The following ACYP2 variants were observed in gnomAD, a reference collection of about 807,000 sequenced individuals.
ACYP2 encodes the protein acylphosphatase-2.
In ACYP2, 12 loss-of-function variants were observed where a neutral mutation model predicts 11.2. The observed-to-expected ratio is 1.08, with a 90% CI of 0.69 to 1.74. ACYP2 has a LOEUF of 1.74. Among genes scored for constraint, ACYP2 ranks in the 40% most tolerant of loss-of-function variants. The probability of loss-of-function intolerance (pLI) is 0.00; values close to 1 mark genes in which losing one functional copy is unlikely to be tolerated. For missense variants in ACYP2, 134 were observed against 101.9 expected, an observed-to-expected ratio of 1.31 and a Z score of -1.35; for synonymous variants, 43 against 32.2, an observed-to-expected ratio of 1.33 and a Z score of -1.13.
intron 6 of ACYP2, among the ~76,000 whole-genome samples, chr2:54,283,374 A>G (rs1688928700): frequency 6.6e-6 from 1 of 152,208 alleles, no homozygotes; most frequent in Admixed American, 6.5e-5. Flanking sequence ...AGATGGGTAG[A>G]CGTGAGCCCC....
intron 2 of ACYP2, among the ~76,000 whole-genome samples, chr2:54,047,814 C>T (rs1036052911): frequency 1.3e-5 from 2 of 152,144 alleles, no homozygotes; most frequent in Admixed American, 1.3e-4. Context: ...ATATCATGAA[C>T]ATTCTACTTA....
intron 6 of ACYP2, among the ~76,000 whole-genome samples, chr2:54,201,156 A>G (rs868669671): frequency 2.7e-5 from 4 of 147,438 alleles, no homozygotes; most frequent in South Asian, 2.1e-4. Flanking sequence ...CCCAGGCTGG[A>G]GTGCAGAGGC....
intron 4 of ACYP2, among the ~76,000 whole-genome samples, chr2:54,091,035 A>G (rs1055520211): frequency 1.3e-5 from 2 of 152,208 alleles, no homozygotes; most frequent in Non-Finnish European, 2.9e-5. Flanking sequence ...ACATTTTTCT[A>G]TTTTTAAAAT....
chr2:53,987,456 T>C (rs1349298647), intron 2 of ACYP2, among the ~76,000 whole-genome samples: 1 of 152,182 alleles, frequency 6.6e-6, no homozygotes, highest in Non-Finnish European at 1.5e-5. Context: ...ATCTACAGGT[T>C]TTTGTGTAAA....
chr2:54,237,753 A>C (rs1046849609), intron 6 of ACYP2, among the ~76,000 whole-genome samples: 4 of 151,872 alleles, frequency 2.6e-5, no homozygotes, highest in Non-Finnish European at 5.9e-5. Context: ...ATCTTGGTTT[A>C]AGTTTGGAGA....
intron 6 of ACYP2, among the ~76,000 whole-genome samples, chr2:54,209,440 T>C (rs1156627119): frequency 6.6e-6 from 1 of 152,216 alleles, no homozygotes; most frequent in African/African-American, 2.4e-5. Context: ...TAATCAAGTG[T>C]GACTCTCTGA....
At chr2:54,095,130 C>T (rs1269914509) in intron 4 of ACYP2, among the ~76,000 whole-genome samples, 3 of 151,940 alleles carry the variant, frequency 2.0e-5, no homozygotes, top group Non-Finnish European at 1.5e-5. Flanking sequence ...TAACAAAGCA[C>T]ATCTTGCACC....
At chr2:54,010,896 T>A (rs544058421) in intron 2 of ACYP2, among the ~76,000 whole-genome samples, 1 of 152,056 alleles carries the variant, frequency 6.6e-6, no homozygotes, top group Admixed American at 6.6e-5. Flanking sequence ...CTCGAACTCC[T>A]GATCTCAGGT....
chr2:54,297,792 G>C (rs1406396553), intron 6 of ACYP2, among the ~76,000 whole-genome samples: 1 of 152,024 alleles, frequency 6.6e-6, no homozygotes, highest in East Asian at 1.9e-4. Context: ...AAATATACAG[G>C]ACCTGAATTA....
intron 4 of ACYP2, among the ~76,000 whole-genome samples, chr2:54,129,721 A>G (rs1407048381): frequency 2.7e-5 from 4 of 149,874 alleles, no homozygotes; most frequent in Non-Finnish European, 5.9e-5. Flanking sequence ...TTCTACTAGA[A>G]TCAACATAGA....
At chr2:54,085,359 C>T (rs1219620431) in intron 4 of ACYP2, among the ~76,000 whole-genome samples, 3 of 152,184 alleles carry the variant, frequency 2.0e-5, no homozygotes. Flanking sequence ...TGGTTGTCAC[C>T]TTGTGCCCTG....
intron 4 of ACYP2, among the ~76,000 whole-genome samples, chr2:54,102,881 G>A (rs1213462096): frequency 6.6e-6 from 1 of 152,074 alleles, no homozygotes. Flanking sequence ...CAGTCTCATG[G>A]GTCTCAAAGG....
chr2:54,124,573 C>A (rs1382621277), intron 4 of ACYP2, among the ~76,000 whole-genome samples: 1 of 152,150 alleles, frequency 6.6e-6, no homozygotes, highest in Admixed American at 6.5e-5. Flanking sequence ...ATGGGTGACA[C>A]TTTTATTATC....
rs751182332 is a variant in ACYP2, at chr2:54,256,012, A to T, written c.405-48676A>T. On this transcript the variant is annotated intron_variant, in intron 6 of 6. Coordinates refer to ENST00000607452, the MANE Select transcript of ACYP2 (RefSeq NM_001320586.2). ...TGGAAGCCGGGGCGGTGGGAACACG[A>T]TTGGCTCCAAGCGGCCATCAAACAT... 9 of 1,614,034 alleles carry T rather than the reference A, an allele frequency of 5.6e-6. No homozygotes were observed. The East Asian group carries it at 2.0e-4, about 36-fold the overall frequency.
intron 4 of ACYP2, among the ~76,000 whole-genome samples, chr2:54,094,878 T>C (rs1426612559): frequency 6.6e-6 from 1 of 152,016 alleles, no homozygotes; most frequent in Non-Finnish European, 1.5e-5. Flanking sequence ...TTTAATCTGT[T>C]TTTTTTTAAA....
chr2:54,036,886 C>T (rs899064355), intron 2 of ACYP2, among the ~76,000 whole-genome samples: 13 of 152,256 alleles, frequency 8.5e-5, no homozygotes, highest in African/African-American at 2.9e-4. Context: ...TTACCTCCTG[C>T]GTGGCCCCTG....
At chr2:54,225,334 A>T (rs376744452) in intron 6 of ACYP2, among the ~76,000 whole-genome samples, 125 of 152,320 alleles carry the variant, frequency 8.2e-4, no homozygotes, top group African/African-American at 2.7e-3. Context: ...CCATCATTAA[A>T]TGGAGTGATT....
intron 6 of ACYP2, among the ~76,000 whole-genome samples, chr2:54,203,803 C>CTT (rs68041536): frequency 1.2e-4 from 18 of 147,900 alleles, no homozygotes; most frequent in African/African-American, 1.5e-4. Flanking sequence ...CTAATACCCC[C>CTT]TTTTTTTTTT....
chr2:54,038,697 A>ATATATATATT (rs1675047396), intron 2 of ACYP2, among the ~76,000 whole-genome samples: 1 of 43,862 alleles, frequency 2.3e-5, no homozygotes, highest in Non-Finnish European at 5.3e-5. Context: ...ATATATATAT[A>ATATATATATT]TATATATATA....
Sources: allele counts gnomAD v4.1 joint callset (sites outside exome capture counted in the v4.1 genomes callset), GRCh38; gene constraint gnomAD v4.1.1; transcripts MANE v1.5; gene names NCBI Gene and HGNC (gene_info 2026-07-23, HGNC 2026-07-21).